Variants in SMCHD1 observed in about 807,000 individuals in gnomAD.
The protein encoded by SMCHD1 is structural maintenance of chromosomes flexible hinge domain containing 1, also known as structural maintenance of chromosomes flexible hinge domain-containing protein 1.
In SMCHD1, 78 loss-of-function variants were observed where a neutral mutation model predicts 254.7. That is an observed-to-expected ratio of 0.31 (90% CI 0.26 to 0.37). The LOEUF (loss-of-function observed/expected upper bound fraction) is 0.37, where lower values mean the gene tolerates loss of function less well. SMCHD1 is among the 10% of genes least tolerant of loss of function. The pLI, the probability that SMCHD1 is intolerant of heterozygous loss-of-function variation, is 1.00. For synonymous variants in SMCHD1, 766 were observed against 794.9 expected, an observed-to-expected ratio of 0.96 and a Z score of 0.61; for missense variants, 1,840 against 2,408.1, an observed-to-expected ratio of 0.76 and a Z score of 4.94.
At chr18:2,736,454 A>G (rs1191306716) in intron 25 of SMCHD1, among the ~76,000 whole-genome samples, 1 of 152,128 alleles carries the variant, frequency 6.6e-6, no homozygotes, top group African/African-American at 2.4e-5. Flanking sequence ...GAAACTACCA[A>G]CAGTGTAAAC....
intron 37 of SMCHD1, among the ~76,000 whole-genome samples, chr18:2,767,299 T>C (rs1568344286): frequency 6.6e-6 from 1 of 152,036 alleles, no homozygotes; most frequent in South Asian, 2.1e-4. Context: ...TAAGCATATC[T>C]TAAACAGAAT....
chr18:2,698,143 A>C, intron 10 of SMCHD1, 102 bp downstream of exon 10: 1 of 833,448 alleles, frequency 1.2e-6, no homozygotes, highest in African/African-American at 1.7e-5. Context: ...AGGTTAGATA[A>C]ATATTAAATT....
At chr18:2,731,445 A>C (rs1384190391) in intron 24 of SMCHD1, among the ~76,000 whole-genome samples, 1 of 152,194 alleles carries the variant, frequency 6.6e-6, no homozygotes, top group Admixed American at 6.5e-5. Context: ...ATATGCCAAT[A>C]TGTTGACCAG....
At chr18:2,753,141 C>T (rs1250682872) in intron 34 of SMCHD1, 1 of 152,434 alleles carries the variant, frequency 6.6e-6, no homozygotes, top group Non-Finnish European at 1.5e-5. Flanking sequence ...ACACCACAAA[C>T]CCTCTCCTGA....
intron 34 of SMCHD1, among the ~76,000 whole-genome samples, chr18:2,756,044 C>A (rs1313026523): frequency 6.6e-6 from 1 of 152,162 alleles, no homozygotes; most frequent in Non-Finnish European, 1.5e-5. Context: ...CTGTTCATTT[C>A]TAAGTCTTAA....
Position 2,656,275 on chromosome 18 carries a change from C to T in SMCHD1, c.186+14C>T. On this transcript the variant is annotated intron_variant, in intron 1 of 47. Transcript: ENST00000320876. ...TGTGTGTGTCAGGTACGCGAAGGGG[C>T]GAGGAAGGGATGCGCGTGTAGACTT... The T allele has an allele frequency of 2.7e-6, 4 of 1,473,038 alleles. No homozygotes were observed. The highest frequency in any genetic ancestry group is 3.6e-6 in the Non-Finnish European group (4 of 1,121,704). The allele number at this position is 1,473,038 out of a possible 1,614,324, so 91.2% of individuals were successfully genotyped here. A position where few individuals can be genotyped will look rare whatever the true frequency, so the allele number is the denominator to read the frequency against.
chr18:2,722,810 T>G (rs1002831281), intron 20 of SMCHD1, 147 bp downstream of exon 20: 13 of 649,250 alleles, frequency 2.0e-5, no homozygotes, highest in African/African-American at 3.8e-5. Flanking sequence ...GTAATTTAGC[T>G]CCAAGCTATC....
At chr18:2,695,493 A>G (rs1366070896) in intron 8 of SMCHD1, among the ~76,000 whole-genome samples, 2 of 152,038 alleles carry the variant, frequency 1.3e-5, no homozygotes, top group Non-Finnish European at 2.9e-5. Flanking sequence ...TATTTTTAGT[A>G]GAGACAGGTT....
chr18:2,672,263 G>C (rs971439792), intron 3 of SMCHD1, among the ~76,000 whole-genome samples: 3 of 152,130 alleles, frequency 2.0e-5, no homozygotes, highest in Non-Finnish European at 4.4e-5. Context: ...GTCTCGCTCT[G>C]TTGCCCAGGC....
intron 15 of SMCHD1, chr18:2,707,348 A>T: frequency 3.0e-6 from 1 of 333,024 alleles, no homozygotes; most frequent in Non-Finnish European, 5.4e-6. Flanking sequence ...TTTAATTCCA[A>T]AAGGTTTTTT....
chr18:2,721,543 G>A (rs142937684), intron 19 of SMCHD1, among the ~76,000 whole-genome samples: 7 of 152,108 alleles, frequency 4.6e-5, no homozygotes, highest in Non-Finnish European at 1.0e-4. Context: ...ATTAGAAACC[G>A]TAGTGCTTTT....
rs62077718 is a variant in SMCHD1 at position 2,789,223 on chromosome 18, G to T, written c.5719+4602G>T. ...TTATTATTATTTTTTTTTTTTTTTG[G>T]TAGACATGGGGTTTTGCCATGTTGC... On this transcript the variant is annotated intron_variant, in intron 45 of 47. Transcript: ENST00000320876. Among the ~76,000 whole-genome samples the T allele has an allele frequency of 2.1e-5, 3 of 143,722 alleles. No individual in the cohort carries two copies. The South Asian group carries it at 6.6e-4, about 32-fold the overall frequency. The allele number at this position is 143,722 out of a possible 152,430, so 94.3% of individuals were successfully genotyped here.
At chr18:2,676,777 C>G (rs1033193764) in intron 5 of SMCHD1, among the ~76,000 whole-genome samples, 6 of 152,034 alleles carry the variant, frequency 3.9e-5, no homozygotes, top group African/African-American at 9.7e-5. Context: ...TACACACTTA[C>G]ACACACACAC....
At chr18:2,785,832 A>AT in intron 45 of SMCHD1, among the ~76,000 whole-genome samples, 2 of 152,174 alleles carry the variant, frequency 1.3e-5, no homozygotes, top group South Asian at 4.1e-4. Context: ...TAGATACTTC[A>AT]TATAAGTAGA....
chr18:2,775,324 T>TAATTG (rs10670205), intron 41 of SMCHD1, among the ~76,000 whole-genome samples: 81,284 of 151,140 alleles, frequency 0.54, 22,203 homozygotes, highest in East Asian at 0.81. Flanking sequence ...TATTTATGTT[T>TAATTG]AACTGCATTA....
intron 7 of SMCHD1, among the ~76,000 whole-genome samples, chr18:2,690,740 T>TC (rs1271378040): frequency 6.6e-6 from 1 of 150,758 alleles, no homozygotes; most frequent in African/African-American, 2.4e-5. Flanking sequence ...CACCTCGGCC[T>TC]CCCAAAGTGC....
intron 26 of SMCHD1, 63 bp downstream of exon 26, chr18:2,738,608 T>C: frequency 1.5e-6 from 2 of 1,355,792 alleles, no homozygotes; most frequent in East Asian, 2.6e-5. Flanking sequence ...ATTGCACATA[T>C]ATGAAAGTTG....
chr18:2,702,605 A>C (rs2074428138), intron 12 of SMCHD1, among the ~76,000 whole-genome samples: 1 of 152,208 alleles, frequency 6.6e-6, no homozygotes. Context: ...TTTGGGAAAG[A>C]GTTGGTACCT....
chr18:2,758,500 AT>A (rs1411830083), intron 34 of SMCHD1, among the ~76,000 whole-genome samples: 1 of 152,086 alleles, frequency 6.6e-6, no homozygotes, highest in African/African-American at 2.4e-5. Context: ...ATCAGTGTTT[AT>A]TGGGATTTAC....
Sources: gnomAD v4.1 joint callset for allele counts (sites outside exome capture counted in the v4.1 genomes callset) on GRCh38, gnomAD v4.1.1 for gene constraint, MANE v1.5 for transcripts, NCBI Gene and HGNC (gene_info 2026-07-23, HGNC 2026-07-21) for gene names.